Variants in SSBP1 observed in about 807,000 individuals in gnomAD.
SSBP1 encodes single-stranded DNA-binding protein, mitochondrial.
SSBP1 carries 20 observed loss-of-function variants against 27.0 expected under a neutral mutation model. That is an observed-to-expected ratio of 0.74 (90% CI 0.52 to 1.08). The LOEUF is 1.08. Ranked by LOEUF, SSBP1 falls within the 50% of genes least tolerant of loss-of-function variation. SSBP1 has a pLI of 0.00. For missense variants in SSBP1, 137 were observed against 182.4 expected, an observed-to-expected ratio of 0.75 and a Z score of 1.44; for synonymous variants, 59 against 59.3, an observed-to-expected ratio of 1.00 and a Z score of 0.02.
At chr7:141,741,763 A>G (rs954948804) in intron 2 of SSBP1, 11 of 995,700 alleles carry the variant, frequency 1.1e-5, no homozygotes, top group Non-Finnish European at 1.3e-5. Context: ...TGAAAGCTGG[A>G]TTTTGAAAAT....
At position 141,743,719 on chromosome 7, in the gene SSBP1, G is replaced by A; in HGVS notation, c.226+18G>A. The A allele has an allele frequency of 6.2e-7, 1 of 1,609,612 alleles. No homozygotes were observed. Among genetic ancestry groups the A allele is most frequent in the African/African-American group, 1.3e-5 (1 of 74,710 alleles). ...CCAACTGGGTGAGTACAAAAGACTG[G>A]GGTTTTAATTTTATCAGCAATAAAT... On this transcript the variant is annotated intron_variant, in intron 4 of 6. Coordinates refer to ENST00000265304, the MANE Select transcript of SSBP1 (RefSeq NM_003143.3).
At chr7:141,742,874 A>G (rs985203806) in intron 3 of SSBP1, among the ~76,000 whole-genome samples, 1 of 151,722 alleles carries the variant, frequency 6.6e-6, no homozygotes, top group Non-Finnish European at 1.5e-5. Flanking sequence ...TTTTTTTTTG[A>G]GACTGAGTCT....
chr7:141,743,222 C>T (rs1306820135), intron 3 of SSBP1, among the ~76,000 whole-genome samples: 2 of 152,198 alleles, frequency 1.3e-5, no homozygotes, highest in African/African-American at 4.8e-5. Context: ...GGTGGCTTCA[C>T]CAACAGCATT....
chr7:141,738,977 C>A, intron 1 of SSBP1, 147 bp from the exon 2 acceptor site: 2 of 463,226 alleles, frequency 4.3e-6, no homozygotes, highest in Non-Finnish European at 7.6e-6. Context: ...AAGGAATCCT[C>A]ATCAGATGTG....
intron 2 of SSBP1, among the ~76,000 whole-genome samples, chr7:141,741,951 ACCTT>A (rs1183580415): frequency 7.9e-5 from 12 of 152,224 alleles, no homozygotes; most frequent in Non-Finnish European, 5.9e-5. Flanking sequence ...GCCTTCTAGT[ACCTT>A]CCTTCTACCT....
chr7:141,742,283 C>G, intron 3 of SSBP1, 54 bp downstream of exon 3: 1 of 1,389,508 alleles, frequency 7.2e-7, no homozygotes, highest in East Asian at 2.3e-5. Flanking sequence ...TTGCCAATCT[C>G]AAATGTGTTG....
intron 3 of SSBP1, 139 bp downstream of exon 3, chr7:141,742,368 C>T (rs1485139990): frequency 6.4e-6 from 4 of 620,510 alleles, no homozygotes; most frequent in East Asian, 5.5e-5. Context: ...CAGATCTTAG[C>T]CTTGACACAT....
intron 6 of SSBP1, among the ~76,000 whole-genome samples, chr7:141,748,974 G>T (rs1444726715): frequency 6.6e-6 from 1 of 152,054 alleles, no homozygotes; most frequent in African/African-American, 2.4e-5. Flanking sequence ...TTCAGTCCTT[G>T]GTGGATAATT....
chr7:141,747,028 C>A (rs978743100), intron 6 of SSBP1, among the ~76,000 whole-genome samples: 3 of 151,944 alleles, frequency 2.0e-5, no homozygotes, highest in Non-Finnish European at 4.4e-5. Flanking sequence ...CTTTTTATTA[C>A]CCTGTTTGTA....
chr7:141,742,020 C>T (rs1169367911), intron 2 of SSBP1, 149 bp from the exon 3 acceptor site: 9 of 634,444 alleles, frequency 1.4e-5, no homozygotes, highest in Non-Finnish European at 2.4e-5. Flanking sequence ...TTCTGGCACT[C>T]TGTTGGGAGA....
At chr7:141,748,758 T>G (rs1584771949) in intron 6 of SSBP1, among the ~76,000 whole-genome samples, 1 of 152,334 alleles carries the variant, frequency 6.6e-6, no homozygotes, top group East Asian at 1.9e-4. Context: ...ACATTTGAAT[T>G]GAAGAAAATA....
At chr7:141,746,121 A>G (rs1799780352) in intron 6 of SSBP1, 3 of 296,496 alleles carry the variant, frequency 1.0e-5, no homozygotes, top group Non-Finnish European at 1.5e-5. Context: ...CCTGGATTCA[A>G]GTGATTCTCC....
intron 2 of SSBP1, chr7:141,741,839 T>G: frequency 9.8e-7 from 1 of 1,015,282 alleles, no homozygotes; most frequent in Non-Finnish European, 1.2e-6. Flanking sequence ...AATGTTAAAG[T>G]GATACTATTT....
At chr7:141,742,921 C>G (rs1392589791) in intron 3 of SSBP1, among the ~76,000 whole-genome samples, 1 of 152,284 alleles carries the variant, frequency 6.6e-6, no homozygotes, top group South Asian at 2.1e-4. Context: ...GTGGCGCGGT[C>G]TCCGCTCACT....
At chr7:141,741,326 A>G (rs1168773406) in intron 2 of SSBP1, 1 of 152,384 alleles carries the variant, frequency 6.6e-6, no homozygotes, top group Non-Finnish European at 1.5e-5. Flanking sequence ...GATCTTGGTC[A>G]GTAATGCTTG....
intron 3 of SSBP1, 110 bp from the exon 4 acceptor site, chr7:141,743,451 A>C: frequency 1.3e-4 from 172 of 1,301,618 alleles, no homozygotes; most frequent in Non-Finnish European, 1.7e-4. Context: ...CCCACTTCCA[A>C]ATACCATTAC....
chr7:141,747,318 A>G (rs904615721), intron 6 of SSBP1, among the ~76,000 whole-genome samples: 2 of 152,066 alleles, frequency 1.3e-5, no homozygotes, highest in Admixed American at 1.3e-4. Flanking sequence ...ATACATGGCA[A>G]TAAACTAAAT....
chr7:141,744,193 G>C (rs1020275830), intron 5 of SSBP1, among the ~76,000 whole-genome samples: 83 of 152,348 alleles, frequency 5.4e-4, no homozygotes, highest in African/African-American at 1.7e-3. Flanking sequence ...ATAAAACATA[G>C]TTTTAGCTTT....
chr7:141,744,548 C>CA lies in SSBP1; in HGVS notation c.314+563dup, dbSNP rs530576004. Among the ~76,000 whole-genome samples the CA allele has an allele frequency of 2.1e-3, 323 of 152,216 alleles. 1 individual carries two copies. Among genetic ancestry groups the CA allele is most frequent in the African/African-American group, 7.6e-3 (314 of 41,492 alleles). Reference sequence around the variant, plus strand: ...TATGTTTTCCAAACTCATAGAAGGACAAAACGGTGTGTGTAACAGCAGTTG... The same window carrying CA: ...TATGTTTTCCAAACTCATAGAAGGACAAAAACGGTGTGTGTAACAGCAGTTG... On this transcript the variant is annotated intron_variant, in intron 5 of 6. Transcript: ENST00000265304.
Sources: allele counts gnomAD v4.1 joint callset (sites outside exome capture counted in the v4.1 genomes callset), GRCh38; gene constraint gnomAD v4.1.1; transcripts MANE v1.5; gene names NCBI Gene and HGNC (gene_info 2026-07-23, HGNC 2026-07-21).